ENOX1: variants seen among roughly 807,000 people sequenced by gnomAD.
ENOX1 encodes the protein candidate growth-related and time keeping constitutive hydroquinone (NADH) oxidase.
A neutral mutation model predicts 82.5 loss-of-function variants in ENOX1; 42 were observed. The observed-to-expected ratio is 0.51, with a 90% CI of 0.40 to 0.66. The LOEUF is 0.66. ENOX1 is among the 30% of genes least tolerant of loss of function. ENOX1 has a pLI of 0.00. For missense variants in ENOX1, 608 were observed against 811.6 expected (o/e 0.75, Z 3.05); for synonymous variants, 271 against 282.2 (o/e 0.96, Z 0.40).
intron 12 of ENOX1, among the ~76,000 whole-genome samples, chr13:43,275,266 CT>C (rs2044942090): frequency 6.6e-6 from 1 of 152,094 alleles, no homozygotes; most frequent in African/African-American, 2.4e-5. Flanking sequence ...CCTTCCTTGT[CT>C]TTTTTCTTAA....
chr13:43,603,270 T>A (rs1159509396), intron 2 of ENOX1, among the ~76,000 whole-genome samples: 2 of 152,186 alleles, frequency 1.3e-5, no homozygotes, highest in East Asian at 1.9e-4. Context: ...TTATAATATG[T>A]CATGCTTTTT....
chr13:43,302,141 C>T (rs929892882), intron 11 of ENOX1, among the ~76,000 whole-genome samples: 5 of 151,342 alleles, frequency 3.3e-5, no homozygotes, highest in Admixed American at 2.0e-4. Context: ...GTGCATCTTT[C>T]GGTAGGAATT....
chr13:43,678,582 G>A (rs1286504273), intron 1 of ENOX1, among the ~76,000 whole-genome samples: 1 of 152,154 alleles, frequency 6.6e-6, no homozygotes, highest in Non-Finnish European at 1.5e-5. Flanking sequence ...ACCAGTCCTG[G>A]ACTTTAGAAT....
intron 2 of ENOX1, among the ~76,000 whole-genome samples, chr13:43,616,169 T>TAG (rs1566641800): frequency 1.2e-3 from 9 of 7,742 alleles, no homozygotes; most frequent in Non-Finnish European, 2.5e-3. Context: ...TATCTATCTA[T>TAG]CTATCTATCT....
At chr13:43,741,335 G>A (rs986315953) in intron 1 of ENOX1, among the ~76,000 whole-genome samples, 8 of 152,004 alleles carry the variant, frequency 5.3e-5, no homozygotes, top group South Asian at 2.1e-4. Context: ...TGCCCACCTC[G>A]GCCTCCCAAA....
At chr13:43,462,193 T>C (rs1052660486) in intron 3 of ENOX1, among the ~76,000 whole-genome samples, 5 of 152,242 alleles carry the variant, frequency 3.3e-5, no homozygotes, top group African/African-American at 1.2e-4. Context: ...CATGTTACTT[T>C]ATATGTGATG....
chr13:43,598,363 A>G (rs2081559400), intron 2 of ENOX1, among the ~76,000 whole-genome samples: 1 of 152,210 alleles, frequency 6.6e-6, no homozygotes. Context: ...TCATAGGAAC[A>G]AGATAAATGT....
intron 2 of ENOX1, among the ~76,000 whole-genome samples, chr13:43,623,239 C>A (rs887708379): frequency 4.6e-5 from 7 of 152,132 alleles, no homozygotes; most frequent in Non-Finnish European, 8.8e-5. Context: ...AGTCTGCACA[C>A]CGGATTTGCG....
chr13:43,591,017 C>T (rs1011046440), intron 2 of ENOX1, among the ~76,000 whole-genome samples: 3 of 152,118 alleles, frequency 2.0e-5, no homozygotes, highest in African/African-American at 7.2e-5. Flanking sequence ...TTGACAAGAG[C>T]ACAGAGTATT....
chr13:43,561,707 G>C (rs1458912187), intron 2 of ENOX1, among the ~76,000 whole-genome samples: 1 of 152,088 alleles, frequency 6.6e-6, no homozygotes, highest in Non-Finnish European at 1.5e-5. Flanking sequence ...AATGCAGCAA[G>C]GGCCAGGCAC....
At chr13:43,683,714 G>A (rs558886483) in intron 1 of ENOX1, among the ~76,000 whole-genome samples, 1 of 152,162 alleles carries the variant, frequency 6.6e-6, no homozygotes, top group East Asian at 1.9e-4. Flanking sequence ...ACATTCCAGG[G>A]CTACAGGACA....
In ENOX1 at chr13:43,489,022, G is replaced by A. The variant is rs117027871; in HGVS notation, c.-218-4870C>T. Among the ~76,000 whole-genome samples the A allele has an allele frequency of 3.9e-4, 60 of 152,268 alleles. No homozygotes were observed. In the East Asian group the frequency reaches 0.01, roughly 26 times the overall value. On this transcript the variant is annotated intron_variant, in intron 2 of 16. Transcript: ENST00000690772. The stretch of plus-strand genomic sequence containing the variant: ...CATGTGGAGAATAAAAATTAAGTGC[G>A]TTTAGAAGAGAAAACCAAGTGCATG...
At chr13:43,287,530 C>T (rs1172144019) in intron 12 of ENOX1, among the ~76,000 whole-genome samples, 1 of 152,166 alleles carries the variant, frequency 6.6e-6, no homozygotes, top group Non-Finnish European at 1.5e-5. Flanking sequence ...CAAAGAAGTA[C>T]AGAAAACAAA....
At chr13:43,748,217 T>C (rs1008685762) in intron 1 of ENOX1, among the ~76,000 whole-genome samples, 8 of 152,208 alleles carry the variant, frequency 5.3e-5, no homozygotes, top group Admixed American at 4.6e-4. Flanking sequence ...TTACATATTT[T>C]ACTCTGAGAA....
chr13:43,532,094 G>T (rs917560519), intron 2 of ENOX1, among the ~76,000 whole-genome samples: 2 of 148,398 alleles, frequency 1.3e-5, no homozygotes, highest in East Asian at 3.9e-4. Context: ...TTTAAAAAAA[G>T]AAAGTTAAAA....
intron 5 of ENOX1, among the ~76,000 whole-genome samples, chr13:43,399,928 C>A (rs1023069673): frequency 6.6e-6 from 1 of 152,106 alleles, no homozygotes; most frequent in African/African-American, 2.4e-5. Context: ...TCCAGCCACC[C>A]CTCCACTTTC....
At chr13:43,715,687 A>C (rs1253466104) in intron 1 of ENOX1, among the ~76,000 whole-genome samples, 3 of 151,690 alleles carry the variant, frequency 2.0e-5, no homozygotes, top group Admixed American at 1.3e-4. Context: ...TTTTTCTCTA[A>C]ACTTCCTTTC....
At chr13:43,688,643 C>G (rs2086199292) in intron 1 of ENOX1, among the ~76,000 whole-genome samples, 1 of 152,174 alleles carries the variant, frequency 6.6e-6, no homozygotes, top group Non-Finnish European at 1.5e-5. Flanking sequence ...TAGGGCATGC[C>G]AACTCCTGGA....
intron 3 of ENOX1, among the ~76,000 whole-genome samples, chr13:43,453,805 A>C (rs1474622474): frequency 6.6e-6 from 1 of 152,228 alleles, no homozygotes; most frequent in East Asian, 1.9e-4. Flanking sequence ...GAAGGTGAAC[A>C]ATAATTGCAC....
Sources: gnomAD v4.1 joint callset for allele counts (sites outside exome capture counted in the v4.1 genomes callset) on GRCh38, gnomAD v4.1.1 for gene constraint, MANE v1.5 for transcripts, NCBI Gene and HGNC (gene_info 2026-07-23, HGNC 2026-07-21) for gene names.